The following MRE11 variants were observed in gnomAD, a reference collection of about 807,000 sequenced individuals.
MRE11 encodes the protein MRE11 double strand break repair nuclease.
A neutral mutation model predicts 91.7 loss-of-function variants in MRE11; 62 were observed. That is an observed-to-expected ratio of 0.68 (90% CI 0.55 to 0.84). MRE11 has a LOEUF of 0.84. MRE11 is among the 40% of genes least tolerant of loss of function. The pLI, the probability that MRE11 is intolerant of heterozygous loss-of-function variation, is 0.00. For missense variants in MRE11, 796 were observed against 852.9 expected, an observed-to-expected ratio of 0.93 and a Z score of 0.83; for synonymous variants, 273 against 271.4, an observed-to-expected ratio of 1.01 and a Z score of -0.06.
At chr11:94,474,829 G>C (rs1434955257) in intron 7 of MRE11, among the ~76,000 whole-genome samples, 2 of 152,012 alleles carry the variant, frequency 1.3e-5, no homozygotes, top group Non-Finnish European at 2.9e-5. Flanking sequence ...TAAATTCTTA[G>C]AATTACTTAT....
upstream of MRE11, chr11:94,497,565 G>C (rs1947432990): frequency 6.4e-6 from 1 of 155,960 alleles, no homozygotes; most frequent in African/African-American, 2.4e-5. Flanking sequence ...CAACCTAAAA[G>C]GTTGTTTCTA....
rs1470581097 is a variant in MRE11 at position 94,436,483 on chromosome 11, T to G, written c.1927-584A>C. Among the ~76,000 whole-genome samples the G allele has an allele frequency of 2.6e-5, 4 of 152,208 alleles. No homozygotes were observed. The East Asian group carries it at 7.7e-4, about 29-fold the overall frequency. On this transcript the variant is annotated intron_variant, in intron 17 of 19. Transcript: ENST00000323929. Reference sequence around the variant, plus strand: ...GAGGATGAAGCCAAAGACCAAATACTGAACGAACAGCCCCTGAGGCTAAGG... The same window carrying G: ...GAGGATGAAGCCAAAGACCAAATACGGAACGAACAGCCCCTGAGGCTAAGG...
intron 16 of MRE11, among the ~76,000 whole-genome samples, chr11:94,439,671 T>C (rs940402533): frequency 2.0e-5 from 3 of 152,238 alleles, no homozygotes; most frequent in Admixed American, 2.0e-4. Flanking sequence ...GGGCTTAATA[T>C]GCATAGACAC....
intron 16 of MRE11, among the ~76,000 whole-genome samples, chr11:94,441,898 A>G (rs1945789157): frequency 6.8e-6 from 1 of 146,182 alleles, no homozygotes. Flanking sequence ...AATTGTTTGA[A>G]CCCCGGGAGG....
intron 19 of MRE11, among the ~76,000 whole-genome samples, chr11:94,428,998 GA>G (rs1313916185): frequency 6.6e-6 from 1 of 152,008 alleles, no homozygotes; most frequent in Non-Finnish European, 1.5e-5. Flanking sequence ...AATCAGTAAG[GA>G]AAAATCAAAT....
intron 4 of MRE11, 117 bp from the exon 5 acceptor site, chr11:94,479,878 T>C (rs1946970832): frequency 1.3e-6 from 1 of 742,912 alleles, no homozygotes; most frequent in Non-Finnish European, 2.3e-6. Flanking sequence ...CATTGGCATA[T>C]GACCACTAGT....
intron 3 of MRE11, among the ~76,000 whole-genome samples, chr11:94,490,608 C>A (rs2135140130): frequency 6.6e-6 from 1 of 152,226 alleles, no homozygotes; most frequent in Non-Finnish European, 1.5e-5. Context: ...CAGTAAACAC[C>A]CCAAAAACAT....
chr11:94,511,366 G>A, the MRE11 span, among the ~76,000 whole-genome samples: 1 of 152,166 alleles, frequency 6.6e-6, no homozygotes, highest in Non-Finnish European at 1.5e-5. Context: ...AAAGCCTGAA[G>A]AACTGTGAGC....
rs1197025001 is a variant in MRE11, at chr11:94,460,898, G to A, written c.1326+38C>T. 11 of 1,478,640 alleles carry A rather than the reference G, an allele frequency of 7.4e-6. No homozygotes were observed. The South Asian group carries it at 1.3e-4, about 17-fold the overall frequency. 91.6% of individuals were successfully genotyped at this position (1,478,640 alleles called of 1,614,324 possible). On this transcript the variant is annotated intron_variant, in intron 12 of 19. Transcript: ENST00000323929. ...CCTAAATTAAAATCTGTTACTATAA[G>A]GTAGCCATTATTCAAAATGTGAACT...
At position 94,479,667 on chromosome 11, in the gene MRE11, T is replaced by A. The variant is rs747848526; in HGVS notation, c.402+7A>T. ...ATTCCAACAAACTCTAAGAAAACAATAATTACCCCTGTGGGATCGTCATGA... is the reference window on the plus strand; with the variant it reads ...ATTCCAACAAACTCTAAGAAAACAAAAATTACCCCTGTGGGATCGTCATGA... On this transcript the variant is annotated splice_region_variant and intron_variant, in intron 5 of 19. Coordinates refer to ENST00000323929, the MANE Select transcript of MRE11 (RefSeq NM_005591.4). The A allele has an allele frequency of 6.2e-7, 1 of 1,608,668 alleles. No homozygotes were observed. Among genetic ancestry groups the A allele is most frequent in the South Asian group, 1.1e-5 (1 of 90,992 alleles).
At chr11:94,507,234 T>G in the MRE11 span, among the ~76,000 whole-genome samples, 4 of 152,140 alleles carry the variant, frequency 2.6e-5, no homozygotes, top group Non-Finnish European at 5.9e-5. Flanking sequence ...ATTGTGTATA[T>G]TTTTGCATTT....
chr11:94,459,246 A>C (rs1199701252), intron 13 of MRE11, among the ~76,000 whole-genome samples, 162 bp downstream of exon 13: 2 of 152,234 alleles, frequency 1.3e-5, no homozygotes, highest in Non-Finnish European at 2.9e-5. Context: ...GGCATTTTCT[A>C]CATTTTCTAA....
chr11:94,437,665 G>A (rs951819825), intron 16 of MRE11, among the ~76,000 whole-genome samples: 90 of 152,106 alleles, frequency 5.9e-4, no homozygotes, highest in Non-Finnish European at 1.2e-3. Flanking sequence ...CTCTACCTTA[G>A]TAGCCATATT....
intron 3 of MRE11, among the ~76,000 whole-genome samples, chr11:94,487,346 C>T (rs551403803): frequency 1.3e-5 from 2 of 152,270 alleles, no homozygotes; most frequent in East Asian, 3.9e-4. Flanking sequence ...TTGAAAAGAA[C>T]ACGACTCACT....
chr11:94,447,614 C>T (rs1264199969), intron 14 of MRE11, among the ~76,000 whole-genome samples, 176 bp from the exon 15 acceptor site: 1 of 147,662 alleles, frequency 6.8e-6, no homozygotes, highest in African/African-American at 2.5e-5. Context: ...GGATCACTTG[C>T]ACCCAAGAGT....
At chr11:94,486,843 T>C (rs955624871) in intron 3 of MRE11, among the ~76,000 whole-genome samples, 2 of 152,112 alleles carry the variant, frequency 1.3e-5, no homozygotes, top group Non-Finnish European at 2.9e-5. Flanking sequence ...AGGAATAACT[T>C]CAGTGAAGGA....
chr11:94,429,044 G>T (rs1199906483), intron 19 of MRE11, among the ~76,000 whole-genome samples: 1 of 152,036 alleles, frequency 6.6e-6, no homozygotes, highest in Non-Finnish European at 1.5e-5. Context: ...GACATGAACA[G>T]GCACATTACA....
At chr11:94,423,440 T>C (rs1382250082) in intron 19 of MRE11, among the ~76,000 whole-genome samples, 2 of 152,172 alleles carry the variant, frequency 1.3e-5, no homozygotes, top group Non-Finnish European at 2.9e-5. Context: ...TTTTCATATC[T>C]AAGGCAGCTG....
At chr11:94,494,659 G>C (rs936907722), upstream of MRE11, among the ~76,000 whole-genome samples, 2 of 152,152 alleles carry the variant, frequency 1.3e-5, no homozygotes, top group African/African-American at 4.8e-5. Context: ...TTTCTTAACT[G>C]TAAGTCGGGT....
Sources: gnomAD v4.1 joint callset for allele counts (sites outside exome capture counted in the v4.1 genomes callset) on GRCh38, gnomAD v4.1.1 for gene constraint, MANE v1.5 for transcripts, NCBI Gene and HGNC (gene_info 2026-07-23, HGNC 2026-07-21) for gene names.